AFF1: variants seen among roughly 807,000 people sequenced by gnomAD.
The protein encoded by AFF1 is AF4/FMR2 family member 1.
In AFF1, 48 loss-of-function variants were observed where a neutral mutation model predicts 121.7. That is an observed-to-expected ratio of 0.39 (90% CI 0.31 to 0.50). AFF1 has a LOEUF of 0.50. AFF1 is among the 20% of genes least tolerant of loss of function. AFF1 has a pLI of 0.76. For missense variants in AFF1, 1,523 were observed against 1,511.7 expected (o/e 1.01, Z -0.12); for synonymous variants, 613 against 563.0 (o/e 1.09, Z -1.26).
At chr4:87,069,867 G>A (rs1244407662) in intron 4 of AFF1, among the ~76,000 whole-genome samples, 1 of 141,142 alleles carries the variant, frequency 7.1e-6, no homozygotes, top group Non-Finnish European at 1.5e-5. Context: ...TGCCCAGGCT[G>A]GAGTATAGTG....
intron 2 of AFF1, among the ~76,000 whole-genome samples, chr4:86,978,482 T>G (rs916031906): frequency 2.0e-5 from 3 of 152,068 alleles, no homozygotes; most frequent in African/African-American, 7.2e-5. Flanking sequence ...ATGCCCGGCC[T>G]ACATTCACTT....
chr4:87,078,315 A>C (rs1336112544), intron 4 of AFF1, among the ~76,000 whole-genome samples: 1 of 152,148 alleles, frequency 6.6e-6, no homozygotes. Context: ...CATCTTCTTA[A>C]GTGTCTAAAG....
intron 5 of AFF1, among the ~76,000 whole-genome samples, chr4:87,086,719 C>T (rs886720822): frequency 9.8e-5 from 15 of 152,316 alleles, no homozygotes; most frequent in African/African-American, 3.1e-4. Context: ...CCAGCTCTTA[C>T]TCTTGACGCT....
intron 19 of AFF1, among the ~76,000 whole-genome samples, chr4:87,133,411 C>G (rs1729018556): frequency 6.6e-6 from 1 of 152,186 alleles, no homozygotes; most frequent in Non-Finnish European, 1.5e-5. Flanking sequence ...CTAGCACATT[C>G]AAAAGAAGAG....
At chr4:87,083,311 C>T (rs927844048) in intron 4 of AFF1, among the ~76,000 whole-genome samples, 1 of 152,162 alleles carries the variant, frequency 6.6e-6, no homozygotes, top group African/African-American at 2.4e-5. Context: ...TAATTAATCT[C>T]CTCTACCCTT....
chr4:87,016,609 C>T (rs1347366531), intron 2 of AFF1, among the ~76,000 whole-genome samples: 1 of 151,986 alleles, frequency 6.6e-6, no homozygotes, highest in African/African-American at 2.4e-5. Flanking sequence ...AAAATTCACT[C>T]ATGTCAAGTG....
At chr4:86,993,503 G>C (rs1724887963) in intron 2 of AFF1, among the ~76,000 whole-genome samples, 1 of 152,186 alleles carries the variant, frequency 6.6e-6, no homozygotes. Context: ...ATAACTCATA[G>C]ATGACTATGC....
intron 2 of AFF1, chr4:87,006,958 C>T: frequency 9.7e-7 from 1 of 1,034,504 alleles, no homozygotes; most frequent in South Asian, 4.4e-5. Flanking sequence ...GGTATCCCGG[C>T]GGACTCGGAC....
chr4:86,997,619 G>A (rs1205097759), intron 2 of AFF1, among the ~76,000 whole-genome samples: 1 of 151,746 alleles, frequency 6.6e-6, no homozygotes, highest in Non-Finnish European at 1.5e-5. Context: ...AAAATTAGCC[G>A]AGTGTGGTGA....
At chr4:87,085,858 C>A (rs1723677587) in intron 5 of AFF1, among the ~76,000 whole-genome samples, 1 of 151,848 alleles carries the variant, frequency 6.6e-6, no homozygotes, top group African/African-American at 2.4e-5. Context: ...TGTGCCTCAG[C>A]CACCCAAGTA....
chr4:86,938,553 T>C (rs181272961), intron 1 of AFF1, among the ~76,000 whole-genome samples: 1 of 152,280 alleles, frequency 6.6e-6, no homozygotes, highest in Admixed American at 6.5e-5. Context: ...TCAACAATGG[T>C]TTCTGAAGTT....
intron 19 of AFF1, among the ~76,000 whole-genome samples, chr4:87,132,966 T>C (rs1298724822): frequency 6.6e-6 from 1 of 152,246 alleles, no homozygotes; most frequent in Non-Finnish European, 1.5e-5. Flanking sequence ...AGTGCGGGGA[T>C]GCCACAGGCG....
chr4:86,986,653 A>G (rs1415984450), intron 2 of AFF1, among the ~76,000 whole-genome samples: 1 of 152,180 alleles, frequency 6.6e-6, no homozygotes, highest in Non-Finnish European at 1.5e-5. Flanking sequence ...AATATAGATT[A>G]TAAAGAAGCC....
chr4:86,995,941 A>G (rs1285029631), intron 2 of AFF1, among the ~76,000 whole-genome samples: 3 of 149,040 alleles, frequency 2.0e-5, no homozygotes, highest in African/African-American at 5.0e-5. Flanking sequence ...CCGGGATGTG[A>G]GGAGCGTCTC....
At chr4:87,026,079 T>TTTTTTTG (rs61608388) in intron 2 of AFF1, among the ~76,000 whole-genome samples, 1 of 150,196 alleles carries the variant, frequency 6.7e-6, no homozygotes, top group African/African-American at 2.4e-5. Context: ...TTTTTTTTTT[T>TTTTTTTG]GCGTGGTGGT....
chr4:86,977,605 C>T (rs114715054), intron 2 of AFF1, among the ~76,000 whole-genome samples: 2,376 of 152,232 alleles, frequency 0.016, 31 homozygotes, highest in Middle Eastern at 0.027. Flanking sequence ...CACCTGTGTT[C>T]CCATGGTGTC....
intron 8 of AFF1, among the ~76,000 whole-genome samples, chr4:87,102,375 A>G (rs1471165762): frequency 6.7e-6 from 1 of 148,548 alleles, no homozygotes; most frequent in East Asian, 2.0e-4. Flanking sequence ...AAGTAGTTTT[A>G]TTTTAAATCA....
intron 2 of AFF1, among the ~76,000 whole-genome samples, chr4:86,995,835 C>G (rs952587842): frequency 2.0e-5 from 3 of 151,610 alleles, no homozygotes; most frequent in Non-Finnish European, 4.4e-5. Context: ...AGGAGCGTCT[C>G]TGCCTGGCCG....
intron 4 of AFF1, chr4:87,049,908 G>A (rs1027558768): frequency 3.4e-5 from 12 of 349,438 alleles, no homozygotes; most frequent in Admixed American, 1.2e-4. Flanking sequence ...GTCAGGTTTT[G>A]GATTTGATTT....
Sources: gnomAD v4.1 joint callset for allele counts (sites outside exome capture counted in the v4.1 genomes callset) on GRCh38, gnomAD v4.1.1 for gene constraint, MANE v1.5 for transcripts, NCBI Gene and HGNC (gene_info 2026-07-23, HGNC 2026-07-21) for gene names.